GNAO1: variants seen among roughly 807,000 people sequenced by gnomAD.
GNAO1 encodes guanine nucleotide-binding protein G(o) subunit alpha.
For synonymous variants in GNAO1, 164 were observed against 180.7 expected (o/e 0.91, Z 0.74); for missense variants, 166 against 478.7 (o/e 0.35, Z 6.10).
chr16:56,342,225 G>C (rs2037813141), intron 6 of GNAO1, among the ~76,000 whole-genome samples: 1 of 152,206 alleles, frequency 6.6e-6, no homozygotes, highest in African/African-American at 2.4e-5. Flanking sequence ...GCCTGGAGTG[G>C]GGAAGGAGGA....
At chr16:56,308,704 G>A (rs1373490504) in intron 3 of GNAO1, among the ~76,000 whole-genome samples, 1 of 152,196 alleles carries the variant, frequency 6.6e-6, no homozygotes, top group East Asian at 1.9e-4. Flanking sequence ...GTTGGAGACA[G>A]AGGAGGGATC....
intron 2 of GNAO1, among the ~76,000 whole-genome samples, chr16:56,244,314 C>T (rs2036721758): frequency 6.6e-6 from 1 of 151,796 alleles, no homozygotes; most frequent in Non-Finnish European, 1.5e-5. Flanking sequence ...AAGAGGGCCC[C>T]ATCCTGGGGT....
intron 4 of GNAO1, among the ~76,000 whole-genome samples, chr16:56,330,920 T>C (rs1282766535): frequency 1.3e-5 from 2 of 152,216 alleles, no homozygotes; most frequent in African/African-American, 4.8e-5. Context: ...GGGCCTTCCG[T>C]GTCTCCCCTC....
intron 2 of GNAO1, chr16:56,235,101 A>C (rs2036625071): frequency 2.9e-6 from 1 of 343,508 alleles, no homozygotes; most frequent in Admixed American, 3.9e-5. Flanking sequence ...CTTAGCCACA[A>C]CTCACAACTC....
At chr16:56,327,231 C>T (rs1051107122) in intron 3 of GNAO1, among the ~76,000 whole-genome samples, 20 of 152,134 alleles carry the variant, frequency 1.3e-4, no homozygotes, top group African/African-American at 4.8e-4. Context: ...ATGACAGAGC[C>T]CGGGCGTATT....
At chr16:56,247,620 G>A (rs952381343) in intron 2 of GNAO1, among the ~76,000 whole-genome samples, 26 of 151,120 alleles carry the variant, frequency 1.7e-4, no homozygotes, top group African/African-American at 6.3e-4. Context: ...ACAAATAATT[G>A]GATTAGAATG....
intron 4 of GNAO1, among the ~76,000 whole-genome samples, chr16:56,330,744 G>A (rs2037680788): frequency 2.6e-5 from 4 of 152,126 alleles, no homozygotes; most frequent in Admixed American, 6.5e-5. Context: ...TAGTTCTTCC[G>A]GTGCTTACCT....
chr16:56,336,486 G>A (rs1172394049), intron 5 of GNAO1: 1 of 442,120 alleles, frequency 2.3e-6, no homozygotes, highest in Admixed American at 3.9e-5. Context: ...GCAAGGGCAG[G>A]TCTTTGAGTC....
chr16:56,347,277 C>G (rs977509190), intron 6 of GNAO1: 2 of 985,316 alleles, frequency 2.0e-6, no homozygotes, highest in African/African-American at 3.5e-5. Flanking sequence ...ACCTGAGGCT[C>G]CAGCTCCGCG....
intron 2 of GNAO1, among the ~76,000 whole-genome samples, chr16:56,210,459 A>G (rs1021494682): frequency 6.6e-5 from 10 of 152,232 alleles, no homozygotes; most frequent in African/African-American, 2.4e-4. Context: ...TTGTGTGGTA[A>G]GAACAGGTTT....
rs559448603 is a variant in GNAO1 at position 56,326,936 on chromosome 16, G to A, written c.304-1695G>A. ...GTCCAGGGAGCTCTCGGCACAGGTG[G>A]GTCTGATCATAGAGGCTGGGCCTGG... On this transcript the variant is annotated intron_variant, in intron 3 of 8. Transcript: ENST00000262493. The surrounding 1 kb of genome is among the most constrained non-coding windows in gnomAD (Gnocchi z 4.8). Among the ~76,000 whole-genome samples the A allele has an allele frequency of 2.6e-5, 4 of 152,276 alleles. No homozygotes were observed. The South Asian group carries it at 8.3e-4, about 32-fold the overall frequency.
At chr16:56,220,728 G>A (rs906160388) in intron 2 of GNAO1, among the ~76,000 whole-genome samples, 2 of 151,916 alleles carry the variant, frequency 1.3e-5, no homozygotes, top group Non-Finnish European at 2.9e-5. Context: ...GATGGGATTA[G>A]CGTGGGTTTT....
At chr16:56,346,412 A>C in intron 6 of GNAO1, 3 of 985,440 alleles carry the variant, frequency 3.0e-6, no homozygotes, top group Non-Finnish European at 3.6e-6. Flanking sequence ...GGCCAAGCAG[A>C]AACTGATTTC....
intron 2 of GNAO1, among the ~76,000 whole-genome samples, chr16:56,243,475 T>TA (rs1429156217): frequency 3.9e-5 from 6 of 151,988 alleles, no homozygotes; most frequent in Admixed American, 2.0e-4. Flanking sequence ...AACTCAATAA[T>TA]AAAAAAACAA....
At chr16:56,231,425 TC>T (rs1439381129) in intron 2 of GNAO1, among the ~76,000 whole-genome samples, 1 of 152,202 alleles carries the variant, frequency 6.6e-6, no homozygotes, top group Non-Finnish European at 1.5e-5. Context: ...TTACCACCTT[TC>T]CTGTATTTGT....
intron 2 of GNAO1, among the ~76,000 whole-genome samples, chr16:56,206,548 A>G (rs1596796116): frequency 6.6e-6 from 1 of 152,082 alleles, no homozygotes; most frequent in African/African-American, 2.4e-5. Context: ...GGAGCTTGCA[A>G]AGGGGCACAA....
intron 3 of GNAO1, among the ~76,000 whole-genome samples, chr16:56,279,392 G>C (rs143694871): frequency 1.3e-5 from 2 of 152,228 alleles, no homozygotes; most frequent in Non-Finnish European, 2.9e-5. Context: ...AAACAGCAGG[G>C]ACCTCCTTAC....
intron 6 of GNAO1, among the ~76,000 whole-genome samples, chr16:56,337,388 G>A (rs184534326): frequency 6.6e-6 from 1 of 152,274 alleles, no homozygotes; most frequent in Non-Finnish European, 1.5e-5. Flanking sequence ...GGGGCTGATG[G>A]GCCAGGAAGG....
chr16:56,207,384 G>C (rs2036339923), intron 2 of GNAO1, among the ~76,000 whole-genome samples: 1 of 152,228 alleles, frequency 6.6e-6, no homozygotes, highest in Admixed American at 6.5e-5. Context: ...GCAGATAATT[G>C]AAATTCCCTA....
Sources: gnomAD v4.1 joint callset for allele counts (sites outside exome capture counted in the v4.1 genomes callset) on GRCh38, gnomAD v4.1.1 for gene constraint, Gnocchi (gnomAD v3.1) non-coding constraint, MANE v1.5 for transcripts, NCBI Gene and HGNC (gene_info 2026-07-23, HGNC 2026-07-21) for gene names.